ZC3H3: variants seen among roughly 807,000 people sequenced by gnomAD.
ZC3H3 encodes zinc finger CCCH-type containing 3, also known as zinc finger CCCH domain-containing protein 3.
A neutral mutation model predicts 77.3 loss-of-function variants in ZC3H3; 36 were observed. The observed-to-expected ratio is 0.47, with a 90% CI of 0.36 to 0.61. The LOEUF is 0.61. Ranked by LOEUF, ZC3H3 falls within the 20% of genes least tolerant of loss-of-function variation. The pLI is 0.00. For synonymous variants in ZC3H3, 626 were observed against 555.2 expected (o/e 1.13, Z -1.79); for missense variants, 1,331 against 1,312.2 (o/e 1.01, Z -0.22).
rs542658199 is a variant in ZC3H3 at position 143,510,046 on chromosome 8, C to A, written c.1562-2147G>T. On this transcript the variant is annotated intron_variant, in intron 3 of 11. Coordinates refer to ENST00000262577, the MANE Select transcript of ZC3H3 (RefSeq NM_015117.3). ...GCAGCTTGGGGCAGGCAGGGCCTGGCGGGCGGCGGCACCATGATCACACTC... is the reference window on the plus strand; with the variant it reads ...GCAGCTTGGGGCAGGCAGGGCCTGGAGGGCGGCGGCACCATGATCACACTC... 3.3e-5 allele frequency among the ~76,000 whole-genome samples: 5 copies of A among 152,312 alleles called. No homozygotes were observed. The East Asian group carries it at 9.6e-4, about 29-fold the overall frequency.
intron 4 of ZC3H3, among the ~76,000 whole-genome samples, chr8:143,489,719 C>A (rs1334140250): frequency 1.3e-5 from 2 of 152,202 alleles, no homozygotes; most frequent in African/African-American, 4.8e-5. Flanking sequence ...TATTTTCTGG[C>A]GTCAGGCGGT....
At chr8:143,454,031 A>G (rs909487204) in intron 9 of ZC3H3, among the ~76,000 whole-genome samples, 1 of 152,140 alleles carries the variant, frequency 6.6e-6, no homozygotes, top group African/African-American at 2.4e-5. Context: ...ACTGTGGTCC[A>G]AAAATATTAA....
chr8:143,527,462 GCA>G (rs1276467772), intron 3 of ZC3H3, among the ~76,000 whole-genome samples: 19 of 152,210 alleles, frequency 1.2e-4, no homozygotes, highest in African/African-American at 4.6e-4. Context: ...ACAGCACAGT[GCA>G]GCACCACCAC....
In ZC3H3 at chr8:143,509,455, G is replaced by A. The variant is rs1248037812; in HGVS notation, c.1562-1556C>T. ...GCTGGGGGCCAGCCTTGGCACCTGG[G>A]CAGTCAGGGCACCCACTGGAGCACT... On this transcript the variant is annotated intron_variant, in intron 3 of 11. Coordinates refer to ENST00000262577, the MANE Select transcript of ZC3H3 (RefSeq NM_015117.3). 4.6e-5 allele frequency among the ~76,000 whole-genome samples: 7 copies of A among 152,196 alleles called. 1 individual carries two copies. The South Asian group carries it at 1.2e-3, about 27-fold the overall frequency.
chr8:143,516,579 A>ACTCTCT (rs1303477906), intron 3 of ZC3H3, among the ~76,000 whole-genome samples: 1 of 145,568 alleles, frequency 6.9e-6, no homozygotes, highest in African/African-American at 2.6e-5. Context: ...ACACACACAC[A>ACTCTCT]CTCACTCTCA....
chr8:143,460,910 G>A lies in ZC3H3; in HGVS notation c.2307+4807C>T, dbSNP rs1209724383. Among the ~76,000 whole-genome samples the A allele has an allele frequency of 6.6e-6, 1 of 152,308 alleles. No homozygotes were observed. The highest frequency in any genetic ancestry group is 3.4e-3 in the Middle Eastern group (1 of 294). ...TTCCACTTAGAGGACATAGCTAGAG[G>A]AGGCGCCTTCACTAACTAGTTAGGT... On this transcript the variant is annotated intron_variant, in intron 9 of 11. Coordinates refer to ENST00000262577, the MANE Select transcript of ZC3H3 (RefSeq NM_015117.3). This position sits in a 1 kb window ranked among gnomAD's most constrained non-coding sequence, Gnocchi z 4.0.
rs116381735 is a variant in ZC3H3 at position 143,481,919 on chromosome 8, G to A, written c.1716-6334C>T. 5.7e-3 allele frequency among the ~76,000 whole-genome samples: 861 copies of A among 152,342 alleles called. 7 individuals carry two copies. The highest frequency in any genetic ancestry group is 0.018 in the African/African-American group (767 of 41,582). On this transcript the variant is annotated intron_variant, in intron 4 of 11. Coordinates refer to ENST00000262577, the MANE Select transcript of ZC3H3 (RefSeq NM_015117.3). ...AATGCCCAGGCCCTGAACATGCCAC[G>A]CAGAGCCCCAGGCCGGCACTGAGCC...
chr8:143,502,486 A>G (rs892492031), intron 4 of ZC3H3, among the ~76,000 whole-genome samples: 1 of 152,256 alleles, frequency 6.6e-6, no homozygotes, highest in African/African-American at 2.4e-5. Context: ...TGCACAGATT[A>G]CTTAAGATTT....
intron 9 of ZC3H3, among the ~76,000 whole-genome samples, chr8:143,461,951 G>A (rs1420474967): frequency 6.6e-6 from 1 of 151,772 alleles, no homozygotes; most frequent in Non-Finnish European, 1.5e-5. Context: ...TGTGTGGGAG[G>A]GAAACTGTAC....
chr8:143,462,926 G>A lies in ZC3H3; in HGVS notation c.2307+2791C>T, dbSNP rs755044693. Among the ~76,000 whole-genome samples, 23 of 150,424 alleles carry A rather than the reference G, an allele frequency of 1.5e-4. No homozygotes were observed. The highest frequency in any genetic ancestry group is 1.6e-4 in the Non-Finnish European group (11 of 67,684). On this transcript the variant is annotated intron_variant, in intron 9 of 11. Coordinates refer to ENST00000262577, the MANE Select transcript of ZC3H3 (RefSeq NM_015117.3). The surrounding 1 kb of genome is among the most constrained non-coding windows in gnomAD (Gnocchi z 4.7). ...AAACACACCCAGAAGGAACCAGGGC[G>A]CCCTGCAGGAGCAGCTGTCCCACCT...
At chr8:143,466,169 A>T (rs977931377) in intron 8 of ZC3H3, among the ~76,000 whole-genome samples, 3 of 152,176 alleles carry the variant, frequency 2.0e-5, no homozygotes, top group African/African-American at 7.2e-5. Context: ...GTCCAGGGCA[A>T]GATGGCAGCC....
At chr8:143,523,750 G>A (rs34088640) in intron 3 of ZC3H3, among the ~76,000 whole-genome samples, 4,242 of 152,318 alleles carry the variant, frequency 0.028, 180 homozygotes, top group African/African-American at 0.096. Flanking sequence ...AACGGAGAGG[G>A]CAATCAGCAA....
rs1401696807 is a variant in ZC3H3, at chr8:143,437,756, G to A, written c.*300C>T. 3 of 468,796 alleles carry A rather than the reference G, an allele frequency of 6.4e-6. No individual in the cohort carries two copies. The highest frequency in any genetic ancestry group is 1.2e-5 in the Non-Finnish European group (3 of 255,052). 29.0% of individuals were successfully genotyped at this position (468,796 alleles called of 1,614,324 possible). A position where few individuals can be genotyped will look rare whatever the true frequency, so the allele number is the denominator to read the frequency against. ...GCCGAAAACCTGGGTGGGGAGGGCT[G>A]GGGGCTGCAGGGCCACTGTTGCCAA... is the stretch of plus-strand genomic sequence containing the variant. On this transcript the variant is annotated 3_prime_UTR_variant, in exon 12 of 12. Coordinates refer to ENST00000262577, the MANE Select transcript of ZC3H3 (RefSeq NM_015117.3).
intron 5 of ZC3H3, among the ~76,000 whole-genome samples, chr8:143,470,065 C>T (rs1820521116): frequency 6.6e-6 from 1 of 152,228 alleles, no homozygotes; most frequent in Non-Finnish European, 1.5e-5. Flanking sequence ...GATGGCCCAG[C>T]AGCCGCAGAC....
intron 5 of ZC3H3, among the ~76,000 whole-genome samples, chr8:143,474,173 C>T (rs1246345150): frequency 5.3e-5 from 8 of 152,096 alleles, no homozygotes; most frequent in South Asian, 2.1e-4. Context: ...CCTCAAGGTA[C>T]GGGTGGGGAA....
chr8:143,477,915 C>T (rs935180891), intron 4 of ZC3H3, among the ~76,000 whole-genome samples: 19 of 152,148 alleles, frequency 1.2e-4, no homozygotes, highest in Non-Finnish European at 2.1e-4. Flanking sequence ...GTCCTCGCCC[C>T]GGAAAGGCTG....
At position 143,530,986 on chromosome 8, in the gene ZC3H3, G is replaced by T. The variant is rs1036925116; in HGVS notation, c.1561+5271C>A. Among the ~76,000 whole-genome samples, 1 of 146,696 alleles carries T rather than the reference G, an allele frequency of 6.8e-6. No homozygotes were observed. The highest frequency in any genetic ancestry group is 2.5e-5 in the African/African-American group (1 of 39,328). On this transcript the variant is annotated intron_variant, in intron 3 of 11. Coordinates refer to ENST00000262577, the MANE Select transcript of ZC3H3 (RefSeq NM_015117.3). This position sits in a 1 kb window ranked among gnomAD's most constrained non-coding sequence, Gnocchi z 4.3. ...TTTTTTTTTTTTTTTTTGAGACAGG[G>T]TCTCATTCTGTCACCCAGGTTGCAG...
At position 143,516,426 on chromosome 8, in the gene ZC3H3, G is replaced by C. The variant is rs375078859; in HGVS notation, c.1562-8527C>G. Among the ~76,000 whole-genome samples, 56 of 152,140 alleles carry C rather than the reference G, an allele frequency of 3.7e-4. No individual in the cohort carries two copies. In the East Asian group the frequency reaches 8.9e-3, roughly 24 times the overall value. On this transcript the variant is annotated intron_variant, in intron 3 of 11. Transcript: ENST00000262577. Reference sequence around the variant, plus strand: ...GCTGCTCCGCAGGGTGGAGAGCAGAGACCTGCTCGCTGCCCCCATTAGGCC... The same window carrying C: ...GCTGCTCCGCAGGGTGGAGAGCAGACACCTGCTCGCTGCCCCCATTAGGCC...
At chr8:143,540,999 G>C (rs1280683776) in intron 1 of ZC3H3, among the ~76,000 whole-genome samples, 1 of 152,216 alleles carries the variant, frequency 6.6e-6, no homozygotes, top group Non-Finnish European at 1.5e-5. Flanking sequence ...TGCGCCCTTA[G>C]CCTGCTCTGC....
Sources: gnomAD v4.1 joint callset for allele counts (sites outside exome capture counted in the v4.1 genomes callset) on GRCh38, gnomAD v4.1.1 for gene constraint, Gnocchi (gnomAD v3.1) non-coding constraint, MANE v1.5 for transcripts, NCBI Gene and HGNC (gene_info 2026-07-23, HGNC 2026-07-21) for gene names.